The following DUS4L variants were observed in gnomAD, a reference collection of about 807,000 sequenced individuals.
The protein encoded by DUS4L is dihydrouridine synthase 4 like, also known as tRNA-dihydrouridine(20a/20b) synthase [NAD(P)+]-like.
DUS4L carries 31 observed loss-of-function variants against 33.8 expected under a neutral mutation model. That is an observed-to-expected ratio of 0.92 (90% CI 0.69 to 1.24). The LOEUF is 1.24. DUS4L is among the 50% of genes most tolerant of loss of function. The pLI, the probability that DUS4L is intolerant of heterozygous loss-of-function variation, is 0.00. For synonymous variants in DUS4L, 103 were observed against 120.3 expected, an observed-to-expected ratio of 0.86 and a Z score of 0.94; for missense variants, 368 against 388.6, an observed-to-expected ratio of 0.95 and a Z score of 0.45.
At chr7:107,576,926 G>A (rs1054600847) in intron 7 of DUS4L, 7 of 289,684 alleles carry the variant, frequency 2.4e-5, no homozygotes, top group Non-Finnish European at 3.2e-5. Flanking sequence ...AGGAATCCCA[G>A]AACTGCTATG....
Position 107,577,773 on chromosome 7 carries a change from TC to T in DUS4L, c.*216del, listed in dbSNP as rs1805884517. On this transcript the variant is annotated 3_prime_UTR_variant, in exon 8 of 8. Coordinates refer to ENST00000265720, the MANE Select transcript of DUS4L (RefSeq NM_181581.3). ...CAGAAATACACAGTTTAAAGAAAAC[TC>T]CCAGTGGTTCAAACATCCTGATCAT... 6 of 439,130 alleles carry T rather than the reference TC, an allele frequency of 1.4e-5. No homozygotes were observed. The South Asian group carries it at 2.3e-4, about 17-fold the overall frequency. 27.2% of individuals were successfully genotyped at this position (439,130 alleles called of 1,614,324 possible).
chr7:107,577,211 G>C lies in DUS4L; in HGVS notation c.707-102G>C. 2.0e-6 allele frequency: 3 copies of C among 1,486,342 alleles called. No individual in the cohort carries two copies. The Admixed American group carries it at 6.3e-5, about 31-fold the overall frequency. The allele number at this position is 1,486,342 out of a possible 1,614,324, so 92.1% of individuals were successfully genotyped here. ...TGCAATAAAGACATTACAAAACCTT[G>C]TGATAATACTTTTTAAAAATATACT... On this transcript the variant is annotated intron_variant, in intron 7 of 7. Coordinates refer to ENST00000265720, the MANE Select transcript of DUS4L (RefSeq NM_181581.3).
chr7:107,574,884 T>G, intron 5 of DUS4L: 1 of 354,038 alleles, frequency 2.8e-6, no homozygotes, highest in Non-Finnish European at 5.2e-6. Context: ...AATTTGGAAT[T>G]TTTAAAATCT....
chr7:107,567,076 G>T lies in DUS4L; in HGVS notation c.6G>T (p.Lys2Asn). 1.2e-6 allele frequency: 2 copies of T among 1,612,464 alleles called. No homozygotes were observed. Among genetic ancestry groups the T allele is most frequent in the Non-Finnish European group, 1.7e-6 (2 of 1,178,958 alleles). MKSDCMQTTICQ... is the reference protein window; with the variant it reads MNSDCMQTTICQ... ...TTTGAAACATATCTGTATTAATGAA[G>T]AGTGACTGCATGCAAACGACAATAT... is the stretch of plus-strand genomic sequence containing the variant. The change falls in exon 3 of 8, where the codon AAG (lysine) becomes AAT (asparagine). Residue 2 changes from lysine to asparagine, a missense_variant. Physicochemically the swap from Lys to Asn is moderately conservative, Grantham distance 94. Transcript: ENST00000265720.
At chr7:107,576,951 C>A in intron 7 of DUS4L, 1 of 282,474 alleles carries the variant, frequency 3.5e-6, no homozygotes. Flanking sequence ...TTCATTATTC[C>A]CTTAAATTAT....
rs141547025 is a variant in DUS4L, at chr7:107,577,459, A to G, written c.853A>G (p.Met285Val). 3.1e-6 allele frequency: 5 copies of G among 1,614,210 alleles called. No homozygotes were observed. The highest frequency in any genetic ancestry group is 1.6e-4 in the Middle Eastern group (1 of 6,062). ...YMCFHQHLMYMMEKITSRQEK... is the reference protein window; with the variant it reads ...YMCFHQHLMYVMEKITSRQEK... ...GTGTTTCCATCAACATTTAATGTAC[A>G]TGATGGAAAAGATAACTTCAAGGCA... is the stretch of plus-strand genomic sequence containing the variant. Residue 285 changes from methionine (M) to valine (V), a missense_variant, in exon 8 of 8, where the codon ATG becomes GTG. Met to Val is a conservative substitution (Grantham distance 21). Transcript: ENST00000265720.
chr7:107,576,615 C>G, intron 7 of DUS4L, 23 bp downstream of exon 7: 15 of 1,453,930 alleles, frequency 1.0e-5, no homozygotes, highest in Non-Finnish European at 1.3e-5. Flanking sequence ...TACTTGGGTT[C>G]TTTTAATTGG....
At chr7:107,570,005 A>G (rs997633590) in intron 3 of DUS4L, 2 of 151,852 alleles carry the variant, frequency 1.3e-5, no homozygotes, top group African/African-American at 4.8e-5. Flanking sequence ...GTTCTGTAGG[A>G]ATTTTGTGGA....
rs556211313 is a variant in DUS4L at position 107,568,509 on chromosome 7, A to G, written c.116+1323A>G. ...GTATGTTGTCTTTGTAGAAGTATCT[A>G]TTCAAGTGCTTTTGTCCATTTGTTT... On this transcript the variant is annotated intron_variant, in intron 3 of 7. Transcript: ENST00000265720. 2.0e-4 allele frequency among the ~76,000 whole-genome samples: 30 copies of G among 152,286 alleles called. 1 individual carries two copies. The South Asian group carries it at 5.8e-3, about 29-fold the overall frequency.
chr7:107,564,779 C>A (rs544650300), intron 2 of DUS4L, 103 bp downstream of exon 2: 1 of 152,148 alleles, frequency 6.6e-6, no homozygotes. Flanking sequence ...CAGGCAACCA[C>A]AAGTATGCAA....
Position 107,568,089 on chromosome 7 carries a change from C to T in DUS4L, c.116+903C>T, listed in dbSNP as rs561524852. Among the ~76,000 whole-genome samples, 13 of 152,276 alleles carry T rather than the reference C, an allele frequency of 8.5e-5. No individual in the cohort carries two copies. In the South Asian group the frequency reaches 1.7e-3, roughly 19 times the overall value. On this transcript the variant is annotated intron_variant, in intron 3 of 7. Transcript: ENST00000265720. ...CAAGATAACTTCCACCTTTTGGCTA[C>T]TGCAAATAATACTGTCATGAACTAT...
In DUS4L at chr7:107,564,037, A is replaced by G. The variant is rs1158810369; in HGVS notation, c.-283A>G. The G allele has an allele frequency of 7.3e-6, 11 of 1,507,510 alleles. No homozygotes were observed. Among genetic ancestry groups the G allele is most frequent in the Non-Finnish European group, 8.9e-7 (1 of 1,124,526 alleles). 93.4% of individuals were successfully genotyped at this position (1,507,510 alleles called of 1,614,324 possible). A position where few individuals can be genotyped will look rare whatever the true frequency, so the allele number is the denominator to read the frequency against. ...CTGACTCTCAGCCCGCGCCTGGGCT[A>G]AGCCTGGCTAGGAGCCGCGCAGGTA... is the stretch of plus-strand genomic sequence containing the variant. On this transcript the variant is annotated 5_prime_UTR_variant, in exon 1 of 8. The change abolishes the stop of an existing upstream ORF in the 5' untranslated region. Coordinates refer to ENST00000265720, the MANE Select transcript of DUS4L (RefSeq NM_181581.3).
chr7:107,567,333 C>CATATA, intron 3 of DUS4L, 147 bp downstream of exon 3: 1 of 648,496 alleles, frequency 1.5e-6, no homozygotes, highest in Non-Finnish European at 2.7e-6. Flanking sequence ...CATGATGCTA[C>CATATA]TACTTGCCTA....
chr7:107,564,955 T>C (rs1396645365), intron 2 of DUS4L, among the ~76,000 whole-genome samples: 1 of 152,240 alleles, frequency 6.6e-6, no homozygotes, highest in Non-Finnish European at 1.5e-5. Flanking sequence ...ATCGCTGTTC[T>C]AAGTATTTTA....
Position 107,568,278 on chromosome 7 carries a change from C to T in DUS4L, c.116+1092C>T, listed in dbSNP as rs533469507. ...ACTACTGTACTGCTTTCCATAGCAGCTGCACCATGTTACCTTACCACCAGC... is the reference window on the plus strand; with the variant it reads ...ACTACTGTACTGCTTTCCATAGCAGTTGCACCATGTTACCTTACCACCAGC... On this transcript the variant is annotated intron_variant, in intron 3 of 7. Coordinates refer to ENST00000265720, the MANE Select transcript of DUS4L (RefSeq NM_181581.3). 2.0e-5 allele frequency among the ~76,000 whole-genome samples: 3 copies of T among 152,330 alleles called. No homozygotes were observed. In the South Asian group the frequency reaches 6.2e-4, roughly 32 times the overall value.
chr7:107,572,576 G>A (rs1217603836), intron 4 of DUS4L, among the ~76,000 whole-genome samples: 1 of 152,164 alleles, frequency 6.6e-6, no homozygotes, highest in Non-Finnish European at 1.5e-5. Flanking sequence ...TGGGCCAGAG[G>A]CGGTGGCTCA....
At chr7:107,565,617 G>C (rs73419466) in intron 2 of DUS4L, among the ~76,000 whole-genome samples, 3,617 of 152,194 alleles carry the variant, frequency 0.024, 153 homozygotes, top group African/African-American at 0.081. Context: ...TCAACCTCCT[G>C]GGCTCAAGGG....
At position 107,578,045 on chromosome 7, in the gene DUS4L, A is replaced by G. The variant is rs1414535624; in HGVS notation, c.*485A>G. On this transcript the variant is annotated 3_prime_UTR_variant, in exon 8 of 8. Coordinates refer to ENST00000265720, the MANE Select transcript of DUS4L (RefSeq NM_181581.3). ...GGAAATTCTGAATAGAATTGCACTC[A>G]GAACTTATATTAAAAATTCCATTTG... is the stretch of plus-strand genomic sequence containing the variant. The G allele has an allele frequency of 6.6e-6, 1 of 152,430 alleles. No homozygotes were observed. Among genetic ancestry groups the G allele is most frequent in the Non-Finnish European group, 1.5e-5 (1 of 68,178 alleles). 9.4% of individuals were successfully genotyped at this position (152,430 alleles called of 1,614,324 possible).
chr7:107,576,619 TA>T, intron 7 of DUS4L, 27 bp downstream of exon 7: 1 of 1,453,226 alleles, frequency 6.9e-7, no homozygotes, highest in Non-Finnish European at 9.0e-7. Context: ...TGGGTTCTTT[TA>T]ATTGGGGGGG....
Sources: gnomAD v4.1 joint callset for allele counts (sites outside exome capture counted in the v4.1 genomes callset) on GRCh38, gnomAD v4.1.1 for gene constraint, MANE v1.5 for transcripts, NCBI Gene and HGNC (gene_info 2026-07-23, HGNC 2026-07-21) for gene names.